NRBP1: variants seen among roughly 807,000 people sequenced by gnomAD.
NRBP1 encodes nuclear receptor-binding protein.
Under a neutral mutation model 76.0 loss-of-function variants are expected in NRBP1, and 10 were observed. The ratio of observed to expected loss-of-function variants is 0.13; its 90% confidence interval spans 0.08 to 0.22. The LOEUF (loss-of-function observed/expected upper bound fraction) is 0.22. Among genes scored for constraint, NRBP1 ranks in the 10% least tolerant of loss-of-function variants. NRBP1 has a pLI of 1.00. For synonymous variants in NRBP1, 235 were observed against 240.2 expected (o/e 0.98, Z 0.20); for missense variants, 344 against 646.0 (o/e 0.53, Z 5.07).
At chr2:27,439,740 C>T in intron 10 of NRBP1, 26 bp from the exon 11 acceptor site, 1 of 1,613,478 alleles carries the variant, frequency 6.2e-7, no homozygotes, top group Non-Finnish European at 8.5e-7. Context: ...CAGATGCCTG[C>T]TCCAGTTCCT....
rs368455683 is a variant in NRBP1 at position 27,441,844 on chromosome 2, G to C, written c.*32G>C. 7.2e-7 allele frequency: 1 copy of C among 1,396,934 alleles called. No individual in the cohort carries two copies. Among genetic ancestry groups the C allele is most frequent in the South Asian group, 1.2e-5 (1 of 83,506 alleles). The allele number at this position is 1,396,934 out of a possible 1,614,324, so 86.5% of individuals were successfully genotyped here. A position where few individuals can be genotyped will look rare whatever the true frequency, so the allele number is the denominator to read the frequency against. ...CTCGGGCCAGGCCCTGATCTGCGCTGTGGCTGTCCCTGGACGTGCTGCAGC... is the reference window on the plus strand; with the variant it reads ...CTCGGGCCAGGCCCTGATCTGCGCTCTGGCTGTCCCTGGACGTGCTGCAGC... On this transcript the variant is annotated 3_prime_UTR_variant, in exon 18 of 18. Transcript: ENST00000379852.
At chr2:27,431,197 G>A (rs1001316919) in intron 1 of NRBP1, among the ~76,000 whole-genome samples, 19 of 152,352 alleles carry the variant, frequency 1.2e-4, no homozygotes, top group Admixed American at 6.5e-4. Context: ...CTACTCGGGA[G>A]GCTGAGGCAG....
intron 7 of NRBP1, 134 bp from the exon 8 acceptor site, chr2:27,436,619 G>GAAT: frequency 2.8e-6 from 2 of 703,128 alleles, no homozygotes; most frequent in Non-Finnish European, 5.1e-6. Context: ...ACAGGAAAGG[G>GAAT]AATATGTTTG....
intron 1 of NRBP1, among the ~76,000 whole-genome samples, chr2:27,431,259 C>G (rs1330714282): frequency 1.6e-4 from 25 of 152,166 alleles, no homozygotes; most frequent in Admixed American, 1.6e-3. Context: ...GAGATTGCAC[C>G]ACGGCACTCC....
intron 8 of NRBP1, 82 bp from the exon 9 acceptor site, chr2:27,436,965 C>A (rs907982200): frequency 8.4e-7 from 1 of 1,192,794 alleles, no homozygotes. Flanking sequence ...TTTTTCTTTT[C>A]TTTTTTTTTT....
upstream of NRBP1, chr2:27,428,586 C>CGCCCA (rs1663956517): frequency 7.5e-6 from 3 of 397,606 alleles, no homozygotes; most frequent in Non-Finnish European, 1.3e-5. Context: ...GGTGCGGCAC[C>CGCCCA]GCCCATCGTT....
At chr2:27,434,921 G>A (rs1384774098) in intron 6 of NRBP1, 159 bp downstream of exon 6, 8 of 752,598 alleles carry the variant, frequency 1.1e-5, no homozygotes, top group African/African-American at 5.2e-5. Context: ...TAAAGGGTGC[G>A]TCCTAATGCC....
intron 6 of NRBP1, 134 bp downstream of exon 6, chr2:27,434,896 C>T: frequency 1.1e-6 from 1 of 952,060 alleles, no homozygotes; most frequent in Non-Finnish European, 1.7e-6. Context: ...AAGATTAGGG[C>T]CCCTACGGGT....
At chr2:27,434,834 ACT>A in intron 6 of NRBP1, 72 bp downstream of exon 6, 1 of 1,438,682 alleles carries the variant, frequency 7.0e-7, no homozygotes. Flanking sequence ...TCAGGGCACT[ACT>A]CTTCTGTTCT....
rs761459157 is a variant in NRBP1 at position 27,439,751 on chromosome 2, T to C, written c.904-15T>C. 6 of 1,613,754 alleles carry C rather than the reference T, an allele frequency of 3.7e-6. No homozygotes were observed. Among genetic ancestry groups the C allele is most frequent in the Non-Finnish European group, 5.1e-6 (6 of 1,179,850 alleles). On this transcript the variant is annotated splice_polypyrimidine_tract_variant and intron_variant, in intron 10 of 17. Coordinates refer to ENST00000379852, the MANE Select transcript of NRBP1 (RefSeq NM_013392.4). The stretch of plus-strand genomic sequence containing the variant: ...TTGCCAGATGCCTGCTCCAGTTCCT[T>C]GTTTCCTTTTCTAGGAGTTCATTCA...
At chr2:27,434,448 T>C in intron 4 of NRBP1, 23 bp from the exon 5 acceptor site, 4 of 1,537,898 alleles carry the variant, frequency 2.6e-6, no homozygotes, top group Non-Finnish European at 3.6e-6. Flanking sequence ...TAAGGCCTTT[T>C]AGTAAGTGCT....
chr2:27,429,048 G>GGGCGGGGGC (rs1399073016), intron 1 of NRBP1: 3 of 211,386 alleles, frequency 1.4e-5, no homozygotes, highest in Non-Finnish European at 2.8e-5. Context: ...GTGGGGGCGG[G>GGGCGGGGGC]GGCGGGGGCG....
intron 1 of NRBP1, among the ~76,000 whole-genome samples, chr2:27,429,796 C>T (rs1291592492): frequency 6.6e-6 from 1 of 152,116 alleles, no homozygotes; most frequent in Non-Finnish European, 1.5e-5. Context: ...CTGTGGTGCC[C>T]TACTGTGGAT....
chr2:27,430,417 A>G (rs1664058207), intron 1 of NRBP1, among the ~76,000 whole-genome samples: 1 of 150,824 alleles, frequency 6.6e-6, no homozygotes, highest in South Asian at 2.1e-4. Flanking sequence ...AACTTAGAGG[A>G]GCACATTTAG....
At chr2:27,428,817 AC>A in intron 1 of NRBP1, 86 bp downstream of exon 1, 1 of 397,198 alleles carries the variant, frequency 2.5e-6, no homozygotes, top group Non-Finnish European at 4.4e-6. Flanking sequence ...GGACGGTGGG[AC>A]CCGCCAGTCG....
At chr2:27,435,709 T>C (rs954563698) in intron 7 of NRBP1, 17 of 717,560 alleles carry the variant, frequency 2.4e-5, no homozygotes, top group Non-Finnish European at 4.2e-5. Flanking sequence ...TACGGGCTGC[T>C]CTGTTCCCAA....
At chr2:27,440,981 TGGAA>T in intron 14 of NRBP1, 41 bp downstream of exon 14, 1 of 1,612,172 alleles carries the variant, frequency 6.2e-7, no homozygotes, top group Non-Finnish European at 8.5e-7. Flanking sequence ...ATGGTTGTGG[TGGAA>T]GGGAGAGAGG....
intron 12 of NRBP1, 50 bp downstream of exon 12, chr2:27,440,558 T>A: frequency 6.3e-7 from 1 of 1,596,356 alleles, no homozygotes; most frequent in Non-Finnish European, 8.6e-7. Context: ...CGACCACTCT[T>A]GAGGCTCTGT....
chr2:27,431,342 A>T (rs1413017577), intron 1 of NRBP1, among the ~76,000 whole-genome samples: 2 of 152,166 alleles, frequency 1.3e-5, no homozygotes, highest in African/African-American at 4.8e-5. Flanking sequence ...CTAGTCCCCC[A>T]GAGAATGGAA....
Sources: allele counts gnomAD v4.1 joint callset (sites outside exome capture counted in the v4.1 genomes callset), GRCh38; gene constraint gnomAD v4.1.1; transcripts MANE v1.5; gene names NCBI Gene and HGNC (gene_info 2026-07-23, HGNC 2026-07-21).